The following MROH2A variants were observed in gnomAD, a reference collection of about 807,000 sequenced individuals.
The protein encoded by MROH2A is maestro heat-like repeat-containing protein family member 2A.
A neutral mutation model predicts 200.4 loss-of-function variants in MROH2A; 174 were observed. The ratio of observed to expected loss-of-function variants is 0.87; its 90% CI spans 0.77 to 0.98. The LOEUF (loss-of-function observed/expected upper bound fraction) is 0.98, where lower values mean the gene tolerates loss of function less well. Among genes scored for constraint, MROH2A ranks in the 50% least tolerant of loss-of-function variants. MROH2A has a pLI of 0.00. For missense variants in MROH2A, 2,045 were observed against 2,139.6 expected (o/e 0.96, Z 0.87); for synonymous variants, 829 against 840.4 (o/e 0.99, Z 0.23).
chr2:233,828,984 T>A lies in MROH2A; in HGVS notation c.4358T>A (p.Leu1453Gln), dbSNP rs2124919727. The A allele has an allele frequency of 6.4e-7, 1 of 1,550,528 alleles. No individual in the cohort carries two copies. Among genetic ancestry groups the A allele is most frequent in the Middle Eastern group, 1.7e-4 (1 of 5,992 alleles). Residue 1453 changes from leucine (L) to glutamine (Q), a missense_variant, in exon 37 of 42, where the codon CTG (leucine) becomes CAG (glutamine). Leu to Gln is a moderately radical substitution (Grantham distance 113, BLOSUM62 -2). Transcript: ENST00000389758. This position sits in a 1 kb window ranked among gnomAD's most constrained non-coding sequence, Gnocchi z 4.6. ...NSVTAEGMEALTKILAELREG... is the reference protein window; with the variant it reads ...NSVTAEGMEAQTKILAELREG... ...GTGACTGCCGAGGGCATGGAGGCCC[T>A]GACCAAGATCCTGGCTGAGCTCCGG...
At chr2:233,789,823 G>A in intron 4 of MROH2A, 29 bp from the exon 5 acceptor site, 3 of 1,533,256 alleles carry the variant, frequency 2.0e-6, no homozygotes, top group South Asian at 2.4e-5. Context: ...TGGTGGTGGT[G>A]CCATATGTCC....
intron 35 of MROH2A, among the ~76,000 whole-genome samples, chr2:233,826,606 A>C (rs1370826577): frequency 6.6e-6 from 1 of 152,224 alleles, no homozygotes; most frequent in Non-Finnish European, 1.5e-5. Flanking sequence ...TAAAACCCAA[A>C]ACTATAAAAA....
chr2:233,796,534 G>T (rs1702123277), intron 11 of MROH2A, among the ~76,000 whole-genome samples: 1 of 152,088 alleles, frequency 6.6e-6, no homozygotes. Flanking sequence ...AGTCCGAATT[G>T]TTAACCCGAA....
chr2:233,818,616 C>A (rs1321776795), intron 28 of MROH2A, 36 bp from the exon 29 acceptor site: 2 of 1,383,512 alleles, frequency 1.4e-6, no homozygotes, highest in Admixed American at 2.0e-5. Flanking sequence ...GGCCTTTTGT[C>A]CCTGCTGGTC....
At position 233,795,702 on chromosome 2, in the gene MROH2A, C is replaced by G. The variant is rs762901126; in HGVS notation, c.1016C>G (p.Pro339Arg). The change falls in exon 9 of 42, where the codon CCC (proline) becomes CGC (arginine). Residue 339 changes from proline to arginine, a missense_variant. By Grantham distance (103) the Pro-to-Arg change is moderately radical (BLOSUM62 -2). Coordinates refer to ENST00000389758, the MANE Select transcript of MROH2A (RefSeq NM_001394639.1). Reference sequence around the variant, plus strand: ...TCAGTCACCACCAACACCCCTGTCCCCCAAATGCAGCTACACACCATTTTC... The same window carrying G: ...TCAGTCACCACCAACACCCCTGTCCGCCAAATGCAGCTACACACCATTTTC... ...ELSVTTNTPVPQMQLHTIFTE... is the reference protein window; with the variant it reads ...ELSVTTNTPVRQMQLHTIFTE... 11 of 1,551,190 alleles carry G rather than the reference C, an allele frequency of 7.1e-6. No individual in the cohort carries two copies. Among genetic ancestry groups the G allele is most frequent in the Non-Finnish European group, 4.4e-6 (5 of 1,147,096 alleles).
chr2:233,814,238 A>T (rs1158673463), intron 25 of MROH2A, among the ~76,000 whole-genome samples: 6 of 152,174 alleles, frequency 3.9e-5, no homozygotes, highest in Non-Finnish European at 7.4e-5. Flanking sequence ...CCATGCAAGG[A>T]GTCCTGGGAA....
intron 3 of MROH2A, among the ~76,000 whole-genome samples, chr2:233,781,354 A>G (rs1273125745): frequency 6.6e-6 from 1 of 152,174 alleles, no homozygotes; most frequent in East Asian, 1.9e-4. Context: ...AGTCTTACCA[A>G]CAATGTGTGA....
At position 233,788,159 on chromosome 2, in the gene MROH2A, A is replaced by G. The variant is rs567134120; in HGVS notation, c.277-1338A>G. Among the ~76,000 whole-genome samples, 180 of 118,400 alleles carry G rather than the reference A, an allele frequency of 1.5e-3. 7 individuals are homozygous for G. The highest frequency in any genetic ancestry group is 5.7e-3 in the African/African-American group (172 of 30,358). The allele number at this position is 118,400 out of a possible 152,430, so 77.7% of individuals were successfully genotyped here. ...TATATATATATAATATATATTTTAT[A>G]TATACATATACATATATTATATATA... On this transcript the variant is annotated intron_variant, in intron 3 of 41. Coordinates refer to ENST00000389758, the MANE Select transcript of MROH2A (RefSeq NM_001394639.1).
intron 14 of MROH2A, among the ~76,000 whole-genome samples, chr2:233,800,631 ATGTGTGTGTGTGTGTGTGTGTG>A (rs10647744): frequency 6.7e-6 from 1 of 149,854 alleles, no homozygotes; most frequent in Non-Finnish European, 1.5e-5. Flanking sequence ...GTGTGTGTGT[ATGTGTGTGTGTGTGTGTGTGTG>A]TGTGTCTGTG....
At position 233,795,693 on chromosome 2, in the gene MROH2A, C is replaced by G. The variant is rs935200179; in HGVS notation, c.1007C>G (p.Thr336Ser). The stretch of plus-strand genomic sequence containing the variant: ...CTGGAACTGTCAGTCACCACCAACA[C>G]CCCTGTCCCCCAAATGCAGCTACAC... Reference protein sequence around the residue: ...QILELSVTTNTPVPQMQLHTI... With the variant: ...QILELSVTTNSPVPQMQLHTI... Residue 336 changes from threonine to serine, a missense_variant, in exon 9 of 42, where the codon ACC (threonine) becomes AGC (serine). Physicochemically the swap from Thr to Ser is moderately conservative, Grantham distance 58 (BLOSUM62 1). Transcript: ENST00000389758. The G allele has an allele frequency of 2.6e-6, 4 of 1,551,004 alleles. No individual in the cohort carries two copies. The highest frequency in any genetic ancestry group is 3.5e-6 in the Non-Finnish European group (4 of 1,147,066).
At chr2:233,813,923 G>T in intron 25 of MROH2A, 145 bp downstream of exon 25, 1 of 516,184 alleles carries the variant, frequency 1.9e-6, no homozygotes, top group Non-Finnish European at 3.5e-6. Flanking sequence ...GTAAATGTAA[G>T]GTAATGCTAG....
At chr2:233,782,532 T>C (rs1276665110) in intron 3 of MROH2A, among the ~76,000 whole-genome samples, 2 of 152,252 alleles carry the variant, frequency 1.3e-5, no homozygotes, top group African/African-American at 4.8e-5. Context: ...ATTTGGCATA[T>C]ACTAATGTTA....
chr2:233,776,836 C>G (rs1346784807), upstream of MROH2A, among the ~76,000 whole-genome samples: 1 of 152,178 alleles, frequency 6.6e-6, no homozygotes, highest in Non-Finnish European at 1.5e-5. Flanking sequence ...TGTGACCTGC[C>G]CTGGCTGACA....
Position 233,787,620 on chromosome 2 carries a change from AC to A in MROH2A, c.277-1876del, listed in dbSNP as rs1243744001. Among the ~76,000 whole-genome samples, 45 of 65,234 alleles carry A rather than the reference AC, an allele frequency of 6.9e-4. 4 individuals are homozygous for A. Among genetic ancestry groups the A allele is most frequent in the African/African-American group, 2.7e-3 (35 of 12,846 alleles). The allele number at this position is 65,234 out of a possible 152,430, so 42.8% of individuals were successfully genotyped here. A position where few individuals can be genotyped will look rare whatever the true frequency, so the allele number is the denominator to read the frequency against. On this transcript the variant is annotated intron_variant, in intron 3 of 41. Coordinates refer to ENST00000389758, the MANE Select transcript of MROH2A (RefSeq NM_001394639.1). ...ATTATATATTATATATATCATATAT[AC>A]ATATATATTATATATATTATATATA...
chr2:233,804,585 G>A, intron 18 of MROH2A, 38 bp downstream of exon 18: 2 of 1,544,176 alleles, frequency 1.3e-6, no homozygotes, highest in South Asian at 2.4e-5. Flanking sequence ...CTGGGAGGAG[G>A]AGAAAGATGG....
At chr2:233,829,799 G>A in intron 38 of MROH2A, 24 bp downstream of exon 38, 1 of 1,298,164 alleles carries the variant, frequency 7.7e-7, no homozygotes, top group East Asian at 3.1e-5. Context: ...TGGGCTTTGT[G>A]TCCCAGTCTG....
In MROH2A at chr2:233,807,451, C is replaced by T. The variant is rs1346482763; in HGVS notation, c.2081C>T (p.Thr694Ile). Reference sequence around the variant, plus strand: ...TTTCTGTACCGGGCCTTGGGCTTCACCTTGGCCACAGGCCTGGAGGCCAGC... The same window carrying T: ...TTTCTGTACCGGGCCTTGGGCTTCATCTTGGCCACAGGCCTGGAGGCCAGC... ...KGFLYRALGF[T>I]LATGLEASKV... Residue 694 changes from threonine to isoleucine, a missense_variant, in exon 20 of 42, where the codon ACC becomes ATC. By Grantham distance (89) the Thr-to-Ile change is moderately conservative. Around this residue, in one of 3 missense-constraint regions of MROH2A, gnomAD observed 1,201 missense variants for 1,311.3 expected, o/e 0.92. Transcript: ENST00000389758. This position sits in a 1 kb window ranked among gnomAD's most constrained non-coding sequence, Gnocchi z 4.3. The T allele has an allele frequency of 4.5e-6, 7 of 1,550,624 alleles. No individual in the cohort carries two copies. Among genetic ancestry groups the T allele is most frequent in the Non-Finnish European group, 4.4e-6 (5 of 1,147,000 alleles).
In MROH2A at chr2:233,828,046, G is replaced by A. The variant is rs1704436119; in HGVS notation, c.4114-584G>A. On this transcript the variant is annotated intron_variant, in intron 35 of 41. Transcript: ENST00000389758. The surrounding 1 kb of genome is among the most constrained non-coding windows in gnomAD (Gnocchi z 4.6). ...TGAGGTGGAGACAAAACATTTGGAA[G>A]CTTAGAGCAACTGCGCCTAATGGGG... Among the ~76,000 whole-genome samples the A allele has an allele frequency of 6.6e-6, 1 of 152,198 alleles. No homozygotes were observed. Among genetic ancestry groups the A allele is most frequent in the South Asian group, 2.1e-4 (1 of 4,834 alleles).
At chr2:233,793,070 A>G (rs1372693069) in intron 6 of MROH2A, among the ~76,000 whole-genome samples, 176 bp downstream of exon 6, 1 of 152,200 alleles carries the variant, frequency 6.6e-6, no homozygotes, top group Non-Finnish European at 1.5e-5. Context: ...CCTGGGGCAC[A>G]AGAGGCTGAG....
Sources: allele counts gnomAD v4.1 joint callset (sites outside exome capture counted in the v4.1 genomes callset), GRCh38; gene constraint gnomAD v4.1.1; regional missense constraint gnomAD v4.1.1; non-coding constraint Gnocchi (gnomAD v3.1); transcripts MANE v1.5; gene names NCBI Gene and HGNC (gene_info 2026-07-23, HGNC 2026-07-21).